Variants in POLR3E observed in about 807,000 individuals in gnomAD.
The protein encoded by POLR3E is RNA polymerase III subunit E.
POLR3E carries 41 observed loss-of-function variants against 96.6 expected under a neutral mutation model. The ratio of observed to expected loss-of-function variants is 0.42; its 90% CI spans 0.33 to 0.55. The LOEUF is 0.55. Among genes scored for constraint, POLR3E ranks in the 20% least tolerant of loss-of-function variants. The probability of loss-of-function intolerance (pLI) is 0.06; values close to 1 mark genes in which losing one functional copy is unlikely to be tolerated. For missense variants in POLR3E, 849 were observed against 952.1 expected (o/e 0.89, Z 1.43); for synonymous variants, 396 against 383.6 (o/e 1.03, Z -0.38).
Position 22,304,846 on chromosome 16 carries a change from C to G in POLR3E, c.37-310C>G, listed in dbSNP as rs145676191. Among the ~76,000 whole-genome samples, 401 of 152,274 alleles carry G rather than the reference C, an allele frequency of 2.6e-3. 2 individuals are homozygous for G. Among genetic ancestry groups the G allele is most frequent in the Non-Finnish European group, 4.2e-3 (284 of 68,012 alleles). ...CCTCTCAGAAGAGCATTTGCCCAGGCTGTAGGACGTTTCCCGATCAGTGCA... is the reference window on the plus strand; with the variant it reads ...CCTCTCAGAAGAGCATTTGCCCAGGGTGTAGGACGTTTCCCGATCAGTGCA... On this transcript the variant is annotated intron_variant, in intron 2 of 20. Coordinates refer to ENST00000299853, the MANE Select transcript of POLR3E (RefSeq NM_018119.4).
Position 22,314,121 on chromosome 16 carries a change from A to T in POLR3E, c.515A>T (p.Gln172Leu). The change falls in exon 8 of 21, where the codon CAG (glutamine) becomes CTG (leucine). Residue 172 changes from glutamine (Q) to leucine (L), a missense_variant. Coordinates refer to ENST00000299853, the MANE Select transcript of POLR3E (RefSeq NM_018119.4). ...SQDEAEDDVK[Q>L]ITVRFSRPES... ...GATGAGGCGGAAGACGATGTTAAGCAGATCACGGTGAGCCCTGGCCCCTGG... is the reference window on the plus strand; with the variant it reads ...GATGAGGCGGAAGACGATGTTAAGCTGATCACGGTGAGCCCTGGCCCCTGG... 6.2e-7 allele frequency: 1 copy of T among 1,613,828 alleles called. No homozygotes were observed. The highest frequency in any genetic ancestry group is 8.5e-7 in the Non-Finnish European group (1 of 1,179,818).
chr16:22,309,289 G>T, intron 5 of POLR3E, 139 bp from the exon 6 acceptor site: 1 of 760,068 alleles, frequency 1.3e-6, no homozygotes, highest in Non-Finnish European at 2.3e-6. Context: ...GCCCTCCTGA[G>T]ACCCGCGTAG....
intron 10 of POLR3E, 43 bp downstream of exon 10, chr16:22,316,729 G>T: frequency 6.9e-7 from 1 of 1,447,002 alleles, no homozygotes; most frequent in Admixed American, 1.7e-5. Flanking sequence ...TGCCTGCCCA[G>T]GGTCCCCAGG....
chr16:22,305,401 G>A, intron 3 of POLR3E, 195 bp downstream of exon 3: 1 of 699,614 alleles, frequency 1.4e-6, no homozygotes, highest in South Asian at 1.5e-5. Flanking sequence ...AAGGAACACA[G>A]GAGAGGCAGA....
chr16:22,314,461 CT>C (rs985669794), intron 8 of POLR3E, among the ~76,000 whole-genome samples: 2 of 152,190 alleles, frequency 1.3e-5, no homozygotes, highest in African/African-American at 4.8e-5. Flanking sequence ...TGATTCTATC[CT>C]CTTTATGGGG....
chr16:22,298,487 A>C (rs2047945348), intron 1 of POLR3E, among the ~76,000 whole-genome samples: 1 of 152,134 alleles, frequency 6.6e-6, no homozygotes, highest in South Asian at 2.1e-4. Flanking sequence ...TCCCTACTTT[A>C]GGGATGAAAA....
At chr16:22,307,227 TTTCAGAACCTGCGCCC>T (rs1452654400) in intron 3 of POLR3E, among the ~76,000 whole-genome samples, 1 of 152,162 alleles carries the variant, frequency 6.6e-6, no homozygotes, top group Non-Finnish European at 1.5e-5. Flanking sequence ...AGGCCTGTGA[TTTCAGAACCTGCGCCC>T]TTCAGCCTTC....
intron 13 of POLR3E, among the ~76,000 whole-genome samples, chr16:22,319,422 A>G (rs1353838203): frequency 6.7e-6 from 1 of 150,124 alleles, no homozygotes; most frequent in East Asian, 2.0e-4. Flanking sequence ...TTTTTGAGAC[A>G]GAGTCTCGCT....
chr16:22,302,743 T>A (rs1376781507), intron 1 of POLR3E, 188 bp from the exon 2 acceptor site: 1 of 593,072 alleles, frequency 1.7e-6, no homozygotes, highest in Non-Finnish European at 3.0e-6. Context: ...GTTTCTTTTT[T>A]TCTTTATTTC....
Position 22,313,809 on chromosome 16 carries a change from G to A in POLR3E, c.472+82G>A, listed in dbSNP as rs1225319390. 4.2e-6 allele frequency: 4 copies of A among 953,722 alleles called. No homozygotes were observed. The highest frequency in any genetic ancestry group is 1.9e-5 in the Admixed American group (1 of 53,012). 59.1% of individuals were successfully genotyped at this position (953,722 alleles called of 1,614,324 possible). On this transcript the variant is annotated intron_variant, in intron 7 of 20. Transcript: ENST00000299853. This position sits in a 1 kb window ranked among gnomAD's most constrained non-coding sequence, Gnocchi z 4.1. ...TTGGTCCTGGGAAGAGGGATGGGAT[G>A]ATAGGATGTTTAGCAGGATCCCTGG...
chr16:22,303,639 C>CTTTTTTTTTTTTTTTTTTTTTTTTTTT (rs58949663), intron 2 of POLR3E, among the ~76,000 whole-genome samples: 11 of 114,228 alleles, frequency 9.6e-5, no homozygotes, highest in African/African-American at 4.8e-4. Flanking sequence ...GCAGATTTCC[C>CTTTTTTTTTTTTTTTTTTTTTTTTTTT]TTTTTTTTTT....
chr16:22,333,616 C>T (rs750105652), intron 20 of POLR3E, 28 bp from the exon 21 acceptor site: 1 of 1,563,134 alleles, frequency 6.4e-7, no homozygotes, highest in Non-Finnish European at 8.8e-7. Flanking sequence ...CTGCAAAAAT[C>T]TGTGCTTACC....
At position 22,322,857 on chromosome 16, in the gene POLR3E, C is replaced by T. The variant is rs886069990; in HGVS notation, c.994C>T (p.Leu332=). The T allele has an allele frequency of 8.7e-6, 14 of 1,612,356 alleles. No individual in the cohort carries two copies. Among genetic ancestry groups the T allele is most frequent in the African/African-American group, 1.3e-5 (1 of 74,864 alleles). ...CCTCACCTGCATTGGCAGTGACATC[C>T]TATACCCCAAGGACTCGTCCAGCCC... ...QGNWVVKSDI[L]YPKDSSSPHS... is the part of the protein sequence containing the mutation. The change falls in exon 14 of 21, where the codon CTA becomes TTA. Residue 332 remains leucine, a synonymous_variant. Transcript: ENST00000299853. This position sits in a 1 kb window ranked among gnomAD's most constrained non-coding sequence, Gnocchi z 5.2.
Position 22,313,642 on chromosome 16 carries a change from A to G in POLR3E, c.387A>G (p.Leu129=). 1 of 1,613,668 alleles carries G rather than the reference A, an allele frequency of 6.2e-7. No homozygotes were observed. Among genetic ancestry groups the G allele is most frequent in the Admixed American group, 1.7e-5 (1 of 60,012 alleles). The change falls in exon 7 of 21, where the codon TTA becomes TTG. Residue 129 remains leucine (L), a synonymous_variant. Transcript: ENST00000299853. The surrounding 1 kb of genome is among the most constrained non-coding windows in gnomAD (Gnocchi z 4.1). The part of the protein sequence containing the change: ...YRQGELHLTP[L]HGILQLRPSF... ...CAGGTGAGCTCCACCTGACACCTTT[A>G]CATGGCATCCTGCAGCTGCGGCCCA...
intron 18 of POLR3E, chr16:22,327,130 G>T: frequency 6.5e-6 from 1 of 152,870 alleles, no homozygotes. Context: ...GGGGTGAGGT[G>T]GGGCTGTGGT....
rs777971329 is a variant in POLR3E at position 22,305,171 on chromosome 16, G to T, written c.52G>T (p.Ala18Ser). 103 of 1,613,244 alleles carry T rather than the reference G, an allele frequency of 6.4e-5. 2 individuals carry two copies. The South Asian group carries it at 9.6e-4, about 15-fold the overall frequency. The change falls in exon 3 of 21, where the codon GCC becomes TCC. Residue 18 changes from alanine (A) to serine (S), a missense_variant. By Grantham distance (99) the Ala-to-Ser change is moderately conservative. Coordinates refer to ENST00000299853, the MANE Select transcript of POLR3E (RefSeq NM_018119.4). ...PVVQEIDVYLAKSLAEKLYLF... is the reference protein window; with the variant it reads ...PVVQEIDVYLSKSLAEKLYLF... ...TTCTTCCCAGATCGATGTGTACTTG[G>T]CCAAGAGTCTGGCGGAAAAGCTGTA...
At chr16:22,333,603 T>G (rs1230631400) in intron 20 of POLR3E, 41 bp from the exon 21 acceptor site, 1 of 1,439,528 alleles carries the variant, frequency 6.9e-7, no homozygotes. Context: ...TTAGCTCCTT[T>G]TCCTGCAAAA....
In POLR3E at chr16:22,318,722, T is replaced by C. The variant is rs1015366413; in HGVS notation, c.866-104T>C. 6 of 1,238,360 alleles carry C rather than the reference T, an allele frequency of 4.8e-6. No individual in the cohort carries two copies. The highest frequency in any genetic ancestry group is 1.1e-6 in the Non-Finnish European group (1 of 872,550). 76.7% of individuals were successfully genotyped at this position (1,238,360 alleles called of 1,614,324 possible). A position where few individuals can be genotyped will look rare whatever the true frequency, so the allele number is the denominator to read the frequency against. On this transcript the variant is annotated intron_variant, in intron 12 of 20. Transcript: ENST00000299853. The surrounding 1 kb of genome is among the most constrained non-coding windows in gnomAD (Gnocchi z 5.0). ...GGTGTCATTACTGTTAGTTATCACA[T>C]TCTGGGGTTATTACATGAACTTGAA... is the stretch of plus-strand genomic sequence containing the variant.
At position 22,308,213 on chromosome 16, in the gene POLR3E, C is replaced by T. The variant is rs1289680622; in HGVS notation, c.153C>T (p.Pro51=). The change falls in exon 4 of 21, where the codon CCC becomes CCT. Residue 51 remains proline (P), a synonymous_variant. Coordinates refer to ENST00000299853, the MANE Select transcript of POLR3E (RefSeq NM_018119.4). Reference sequence around the variant, plus strand: ...CGCACCTCTCAGCCAAGATCAAGCCCAAGCAGCAGAAGGTGGGGCTGCCCC... The same window carrying T: ...CGCACCTCTCAGCCAAGATCAAGCCTAAGCAGCAGAAGGTGGGGCTGCCCC... ...DIPHLSAKIK[P]KQQKVELEMA... 3.1e-6 allele frequency: 5 copies of T among 1,613,320 alleles called. No homozygotes were observed. The highest frequency in any genetic ancestry group is 1.3e-5 in the African/African-American group (1 of 74,890).
Sources: allele counts gnomAD v4.1 joint callset (sites outside exome capture counted in the v4.1 genomes callset), GRCh38; gene constraint gnomAD v4.1.1; non-coding constraint Gnocchi (gnomAD v3.1); transcripts MANE v1.5; gene names NCBI Gene and HGNC (gene_info 2026-07-23, HGNC 2026-07-21).